The following ERBB4 variants were observed in gnomAD, a reference collection of about 807,000 sequenced individuals.
The protein encoded by ERBB4 is erb-b2 receptor tyrosine kinase 4.
Under a neutral mutation model 158.0 loss-of-function variants are expected in ERBB4, and 42 were observed. The observed-to-expected ratio is 0.27, with a 90% CI of 0.21 to 0.34. ERBB4 has a LOEUF of 0.34. Ranked by LOEUF, ERBB4 falls within the 10% of genes least tolerant of loss-of-function variation. ERBB4 has a pLI of 1.00. For synonymous variants in ERBB4, 583 were observed against 558.7 expected (o/e 1.04, Z -0.61); for missense variants, 1,333 against 1,624.1 (o/e 0.82, Z 3.08).
At chr2:212,410,586 T>A (rs1185028637) in intron 1 of ERBB4, among the ~76,000 whole-genome samples, 2 of 152,208 alleles carry the variant, frequency 1.3e-5, no homozygotes, top group East Asian at 1.9e-4. Context: ...CACTGAATAA[T>A]ATTCTCCTCT....
intron 3 of ERBB4, among the ~76,000 whole-genome samples, chr2:211,933,091 G>A (rs957137118): frequency 1.3e-5 from 2 of 152,072 alleles, no homozygotes; most frequent in East Asian, 1.9e-4. Context: ...TTAGGTTCTC[G>A]TAATTTTTAA....
At position 211,738,510 on chromosome 2, in the gene ERBB4, A is replaced by AT. The variant is rs1362283953; in HGVS notation, c.622+12128_622+12129insA. On this transcript the variant is annotated intron_variant, in intron 5 of 27. Coordinates refer to ENST00000342788, the MANE Select transcript of ERBB4 (RefSeq NM_005235.3). ...CAGCCTCTTGAGTAGCTGGGACTAC[A>AT]GGTGTCTCTGCCACCACACTCAGCT... Among the ~76,000 whole-genome samples the AT allele has an allele frequency of 2.6e-5, 4 of 151,612 alleles. 1 individual carries two copies. The highest frequency in any genetic ancestry group is 9.7e-5 in the African/African-American group (4 of 41,302).
intron 2 of ERBB4, among the ~76,000 whole-genome samples, chr2:212,027,347 AAAGGTGCAT>A (rs1220517541): frequency 1.3e-5 from 2 of 152,218 alleles, no homozygotes; most frequent in East Asian, 3.9e-4. Flanking sequence ...TCAGAAAATC[AAAGGTGCAT>A]AAGTCAAATT....
intron 25 of ERBB4, among the ~76,000 whole-genome samples, chr2:211,390,984 G>A (rs1162806213): frequency 6.6e-6 from 1 of 152,102 alleles, no homozygotes; most frequent in East Asian, 1.9e-4. Flanking sequence ...CCCCGTGGAA[G>A]GGCAATGCAG....
At chr2:212,123,379 G>A (rs189350847) in intron 2 of ERBB4, among the ~76,000 whole-genome samples, 10 of 152,168 alleles carry the variant, frequency 6.6e-5, no homozygotes, top group Non-Finnish European at 1.3e-4. Context: ...CTCCAGCCAG[G>A]GCGACAGAGC....
chr2:212,505,861 C>G lies in ERBB4; in HGVS notation c.82+32588G>C, dbSNP rs1386284406. ...CCATCTACGACACAGTACAAGGCTA[C>G]TTAGTAGGAGGTATATAGGGTAAAA... is the stretch of plus-strand genomic sequence containing the variant. On this transcript the variant is annotated intron_variant, in intron 1 of 27. Transcript: ENST00000342788. Among the ~76,000 whole-genome samples the G allele has an allele frequency of 4.0e-5, 6 of 148,886 alleles. 2 individuals are homozygous for G. The highest frequency in any genetic ancestry group is 9.1e-5 in the Non-Finnish European group (6 of 66,010).
chr2:211,911,560 C>T (rs149070048), intron 3 of ERBB4, among the ~76,000 whole-genome samples: 5 of 152,232 alleles, frequency 3.3e-5, no homozygotes, highest in African/African-American at 1.2e-4. Context: ...GCCACCATGC[C>T]CAGCCTACTT....
chr2:212,384,664 A>G (rs2090614973), intron 1 of ERBB4, among the ~76,000 whole-genome samples: 1 of 151,658 alleles, frequency 6.6e-6, no homozygotes, highest in African/African-American at 2.4e-5. Context: ...AACCATGTTT[A>G]GCACAAAATG....
At chr2:211,710,546 T>C (rs2073657867) in intron 9 of ERBB4, among the ~76,000 whole-genome samples, 1 of 152,056 alleles carries the variant, frequency 6.6e-6, no homozygotes, top group African/African-American at 2.4e-5. Context: ...GTAAAGTTGA[T>C]TAAGGGTGTC....
At chr2:212,497,219 A>C (rs1231022163) in intron 1 of ERBB4, among the ~76,000 whole-genome samples, 1 of 152,004 alleles carries the variant, frequency 6.6e-6, no homozygotes, top group African/African-American at 2.4e-5. Context: ...TAAAAGTTAA[A>C]CAAATTTAAA....
At chr2:212,217,926 T>C (rs556631984) in intron 1 of ERBB4, among the ~76,000 whole-genome samples, 1 of 151,328 alleles carries the variant, frequency 6.6e-6, no homozygotes, top group South Asian at 2.1e-4. Context: ...TGCACTTAAA[T>C]CTTAAGACAG....
rs2125307564 is a variant in ERBB4, at chr2:211,383,609, C to G, written c.*6G>C. On this transcript the variant is annotated 3_prime_UTR_variant, in exon 28 of 28. Coordinates refer to ENST00000342788, the MANE Select transcript of ERBB4 (RefSeq NM_005235.3). ...TGTCTCTCCACCTAAAAAACCACAA[C>G]TGAGCTTACACCACAGTATTCCGGT... The G allele has an allele frequency of 6.2e-7, 1 of 1,612,226 alleles. No individual in the cohort carries two copies. The highest frequency in any genetic ancestry group is 8.5e-7 in the Non-Finnish European group (1 of 1,179,616).
In ERBB4 at chr2:212,528,997, T is replaced by C. The variant is rs972767410; in HGVS notation, c.82+9452A>G. Among the ~76,000 whole-genome samples the C allele has an allele frequency of 5.3e-5, 8 of 152,294 alleles. No individual in the cohort carries two copies. The South Asian group carries it at 1.5e-3, about 28-fold the overall frequency. On this transcript the variant is annotated intron_variant, in intron 1 of 27. Transcript: ENST00000342788. ...GCCAGATTCTATCTGGAACCCTTTT[T>C]CATGAAATATTTATTAACATTTTAT...
chr2:212,255,942 T>A (rs1267609143), intron 1 of ERBB4, among the ~76,000 whole-genome samples: 2 of 151,254 alleles, frequency 1.3e-5, no homozygotes, highest in Admixed American at 6.6e-5. Context: ...CACCTCAGCC[T>A]CCTGAGTACC....
chr2:211,544,562 C>A (rs1458917664), intron 20 of ERBB4, among the ~76,000 whole-genome samples: 2 of 151,916 alleles, frequency 1.3e-5, no homozygotes, highest in Non-Finnish European at 2.9e-5. Flanking sequence ...CTTTAAGTCC[C>A]AGTTTTTTCA....
intron 1 of ERBB4, among the ~76,000 whole-genome samples, chr2:212,523,786 T>G (rs1692300962): frequency 1.3e-5 from 2 of 151,966 alleles, no homozygotes; most frequent in African/African-American, 4.8e-5. Context: ...GTGGACCAGT[T>G]GTTCCTCAGC....
At chr2:211,769,314 A>G (rs2075633857) in intron 4 of ERBB4, among the ~76,000 whole-genome samples, 1 of 152,122 alleles carries the variant, frequency 6.6e-6, no homozygotes, top group Non-Finnish European at 1.5e-5. Context: ...GGAAGTTGCA[A>G]ACTTTCCCAC....
chr2:211,909,218 A>C (rs2079477854), intron 3 of ERBB4, among the ~76,000 whole-genome samples: 1 of 151,740 alleles, frequency 6.6e-6, no homozygotes, highest in Non-Finnish European at 1.5e-5. Flanking sequence ...CTTTTTGACA[A>C]ATATTTCCTG....
At chr2:212,288,973 G>A (rs1207439651) in intron 1 of ERBB4, among the ~76,000 whole-genome samples, 1 of 152,132 alleles carries the variant, frequency 6.6e-6, no homozygotes, top group Non-Finnish European at 1.5e-5. Flanking sequence ...GATAGAGAGT[G>A]TGAAGCCTTG....
Sources: allele counts gnomAD v4.1 joint callset (sites outside exome capture counted in the v4.1 genomes callset), GRCh38; gene constraint gnomAD v4.1.1; transcripts MANE v1.5; gene names NCBI Gene and HGNC (gene_info 2026-07-23, HGNC 2026-07-21).